Variants in CAMK4 observed in about 807,000 individuals in gnomAD.
The protein encoded by CAMK4 is calcium/calmodulin dependent protein kinase IV.
A neutral mutation model predicts 44.9 loss-of-function variants in CAMK4; 22 were observed. The observed-to-expected ratio is 0.49, with a 90% CI of 0.35 to 0.70. The LOEUF (loss-of-function observed/expected upper bound fraction) is 0.70. Among genes scored for constraint, CAMK4 ranks in the 30% least tolerant of loss-of-function variants. The pLI, the probability that CAMK4 is intolerant of heterozygous loss-of-function variation, is 0.01. For synonymous variants in CAMK4, 218 were observed against 215.4 expected (o/e 1.01, Z -0.11); for missense variants, 498 against 586.8 (o/e 0.85, Z 1.56).
chr5:111,423,045 T>G (rs1399779568), intron 5 of CAMK4, among the ~76,000 whole-genome samples: 4 of 152,202 alleles, frequency 2.6e-5, no homozygotes, highest in African/African-American at 7.2e-5. Context: ...TAAATATTCA[T>G]TGACTTGAAT....
At position 111,224,519 on chromosome 5, in the gene CAMK4, G is replaced by T. The variant is rs766141765; in HGVS notation, c.36G>T (p.Ser12=). The change falls in exon 1 of 11, where the codon TCG becomes TCT. Residue 12 remains serine (S), a synonymous_variant. Transcript: ENST00000282356. This position sits in a 1 kb window ranked among gnomAD's most constrained non-coding sequence, Gnocchi z 5.7. Reference sequence around the variant, plus strand: ...TCACGGTGCCCTCCTGCTCCGCCTCGTCCTGCTCTTCGGTCACCGCCAGTG... The same window carrying T: ...TCACGGTGCCCTCCTGCTCCGCCTCTTCCTGCTCTTCGGTCACCGCCAGTG... The part of the protein sequence containing the change: ...LKVTVPSCSA[S]SCSSVTASAA... The T allele has an allele frequency of 9.9e-6, 16 of 1,610,856 alleles. No homozygotes were observed. Among genetic ancestry groups the T allele is most frequent in the South Asian group, 2.2e-5 (2 of 90,756 alleles).
At chr5:111,400,258 A>G (rs1752175566) in intron 5 of CAMK4, among the ~76,000 whole-genome samples, 1 of 152,250 alleles carries the variant, frequency 6.6e-6, no homozygotes, top group South Asian at 2.1e-4. Context: ...TTAAAGAAAA[A>G]AAATTAATTT....
chr5:111,240,837 C>T (rs1748956549), intron 1 of CAMK4, among the ~76,000 whole-genome samples: 1 of 152,150 alleles, frequency 6.6e-6, no homozygotes, highest in African/African-American at 2.4e-5. Context: ...AGCAGGGCTG[C>T]AGCCCACATT....
chr5:111,308,299 A>G (rs981922538), intron 1 of CAMK4, among the ~76,000 whole-genome samples: 1 of 152,108 alleles, frequency 6.6e-6, no homozygotes, highest in Non-Finnish European at 1.5e-5. Flanking sequence ...TTATTTTAAA[A>G]TGCACTTTAT....
At chr5:111,339,622 A>G (rs976389225) in intron 1 of CAMK4, among the ~76,000 whole-genome samples, 3 of 151,352 alleles carry the variant, frequency 2.0e-5, no homozygotes, top group Non-Finnish European at 3.0e-5. Context: ...CATTTTGACT[A>G]CTATAGCTTT....
rs1327779199 is a variant in CAMK4 at position 111,486,115 on chromosome 5, C to T, written c.*1649C>T. 2 of 152,130 alleles carry T rather than the reference C, an allele frequency of 1.3e-5. No individual in the cohort carries two copies. Among genetic ancestry groups the T allele is most frequent in the Non-Finnish European group, 2.9e-5 (2 of 68,010 alleles). The allele number at this position is 152,130 out of a possible 1,614,324, so 9.4% of individuals were successfully genotyped here. A position where few individuals can be genotyped will look rare whatever the true frequency, so the allele number is the denominator to read the frequency against. On this transcript the variant is annotated 3_prime_UTR_variant, in exon 11 of 11. Transcript: ENST00000282356. ...AAACTAAAGCTCCAGTTTGTAGAGG[C>T]TGTTGGACCTCAGTAGACATTCTTC...
At chr5:111,362,896 G>A (rs1750648831) in intron 2 of CAMK4, among the ~76,000 whole-genome samples, 1 of 152,058 alleles carries the variant, frequency 6.6e-6, no homozygotes, top group Non-Finnish European at 1.5e-5. Flanking sequence ...AGAATGGATA[G>A]TACATTCCAA....
intron 7 of CAMK4, among the ~76,000 whole-genome samples, chr5:111,469,015 G>A (rs1325125687): frequency 1.3e-5 from 2 of 149,272 alleles, no homozygotes; most frequent in African/African-American, 2.5e-5. Context: ...ATGGTGGCAA[G>A]CACCTGTAAT....
intron 1 of CAMK4, among the ~76,000 whole-genome samples, chr5:111,236,622 A>C (rs1748739903): frequency 6.6e-6 from 1 of 152,188 alleles, no homozygotes; most frequent in Non-Finnish European, 1.5e-5. Flanking sequence ...GTTAAGCATG[A>C]AACTCTCTTG....
chr5:111,229,351 A>G (rs1295011625), intron 1 of CAMK4, among the ~76,000 whole-genome samples: 1 of 152,144 alleles, frequency 6.6e-6, no homozygotes, highest in Non-Finnish European at 1.5e-5. Flanking sequence ...AAAGAAACCA[A>G]GCTCTCTGGT....
rs1041426077 is a variant in CAMK4 at position 111,290,510 on chromosome 5, A to G, written c.162-53514A>G. ...TGTGAGCCCAAAGTATAACTACTTAAATCCATGGGACTATCCCCTGAGAAG... is the reference window on the plus strand; with the variant it reads ...TGTGAGCCCAAAGTATAACTACTTAGATCCATGGGACTATCCCCTGAGAAG... On this transcript the variant is annotated intron_variant, in intron 1 of 10. Transcript: ENST00000282356. This position sits in a 1 kb window ranked among gnomAD's most constrained non-coding sequence, Gnocchi z 4.5. 1.3e-5 allele frequency among the ~76,000 whole-genome samples: 2 copies of G among 152,220 alleles called. No individual in the cohort carries two copies. Among genetic ancestry groups the G allele is most frequent in the African/African-American group, 4.8e-5 (2 of 41,454 alleles).
chr5:111,407,347 T>TAAA (rs11410135), intron 5 of CAMK4, among the ~76,000 whole-genome samples: 3 of 136,758 alleles, frequency 2.2e-5, no homozygotes, highest in South Asian at 2.4e-4. Flanking sequence ...AGAGACTCCT[T>TAAA]AAAAAAAAAA....
At chr5:111,446,037 ATAATT>A (rs941355456) in intron 5 of CAMK4, among the ~76,000 whole-genome samples, 7 of 152,250 alleles carry the variant, frequency 4.6e-5, no homozygotes, top group Admixed American at 6.5e-5. Context: ...ATTTTACAAA[ATAATT>A]TAAAGTACAA....
intron 1 of CAMK4, among the ~76,000 whole-genome samples, chr5:111,342,318 A>G (rs1364040425): frequency 1.3e-5 from 2 of 151,332 alleles, no homozygotes; most frequent in African/African-American, 4.8e-5. Flanking sequence ...GTGCACACAT[A>G]TTTATATTTA....
chr5:111,295,648 C>T (rs1402229736), intron 1 of CAMK4, among the ~76,000 whole-genome samples: 2 of 152,148 alleles, frequency 1.3e-5, no homozygotes, highest in South Asian at 2.1e-4. Context: ...AGGATGTTGT[C>T]TTCATTTACT....
intron 5 of CAMK4, among the ~76,000 whole-genome samples, chr5:111,404,020 A>G (rs979390379): frequency 6.6e-6 from 1 of 152,196 alleles, no homozygotes; most frequent in Non-Finnish European, 1.5e-5. Context: ...TGACCCTTTG[A>G]AAGGTTGGGA....
At chr5:111,477,928 T>G (rs1468790007) in intron 8 of CAMK4, among the ~76,000 whole-genome samples, 1 of 152,090 alleles carries the variant, frequency 6.6e-6, no homozygotes, top group Non-Finnish European at 1.5e-5. Context: ...TTTAATTTCT[T>G]TACTCTCAAA....
intron 1 of CAMK4, among the ~76,000 whole-genome samples, chr5:111,318,474 A>T (rs1003157895): frequency 6.6e-6 from 1 of 152,256 alleles, no homozygotes; most frequent in East Asian, 1.9e-4. Context: ...TTATTCCCTA[A>T]TGACTTTATT....
At chr5:111,299,487 A>G (rs1363628956) in intron 1 of CAMK4, among the ~76,000 whole-genome samples, 1 of 152,202 alleles carries the variant, frequency 6.6e-6, no homozygotes, top group African/African-American at 2.4e-5. Flanking sequence ...CACATTCTAG[A>G]TCTTAAAGAG....
Sources: allele counts gnomAD v4.1 joint callset (sites outside exome capture counted in the v4.1 genomes callset), GRCh38; gene constraint gnomAD v4.1.1; non-coding constraint Gnocchi (gnomAD v3.1); transcripts MANE v1.5; gene names NCBI Gene and HGNC (gene_info 2026-07-23, HGNC 2026-07-21).